The following IGDCC4 variants were observed in gnomAD, a reference collection of about 807,000 sequenced individuals.
IGDCC4 encodes the protein likely ortholog of mouse neighbor of Punc E11.
A neutral mutation model predicts 116.6 loss-of-function variants in IGDCC4; 72 were observed. The observed-to-expected ratio is 0.62, with a 90% confidence interval of 0.51 to 0.75. IGDCC4 has a LOEUF of 0.75. Among genes scored for constraint, IGDCC4 ranks in the 30% least tolerant of loss-of-function variants. The pLI, the probability that IGDCC4 is intolerant of heterozygous loss-of-function variation, is 0.00. For synonymous variants in IGDCC4, 709 were observed against 719.9 expected, an observed-to-expected ratio of 0.98 and a Z score of 0.24; for missense variants, 1,501 against 1,662.4, an observed-to-expected ratio of 0.90 and a Z score of 1.69.
In IGDCC4 at chr15:65,384,291, G is replaced by C; in HGVS notation, c.3471C>G (p.Asp1157Glu). ...GATCAGGAGCCTCTGGAGGCAGGGG[G>C]TCCTCAGGCTCCAGGTCTTGGAGAT... is the stretch of plus-strand genomic sequence containing the variant. ...DLHLQDLEPE[D>E]PLPPEAPDLI... The change falls in exon 20 of 20, where the codon GAC (aspartate) becomes GAG (glutamate). Residue 1157 changes from aspartate (D) to glutamate (E), a missense_variant. Coordinates refer to ENST00000352385, the MANE Select transcript of IGDCC4 (RefSeq NM_020962.3). The surrounding 1 kb of genome is among the most constrained non-coding windows in gnomAD (Gnocchi z 4.9). 1.9e-6 allele frequency: 3 copies of C among 1,608,034 alleles called. No homozygotes were observed. Among genetic ancestry groups the C allele is most frequent in the Non-Finnish European group, 2.5e-6 (3 of 1,176,844 alleles).
chr15:65,406,161 T>C (rs911095152), intron 3 of IGDCC4, among the ~76,000 whole-genome samples: 1 of 152,258 alleles, frequency 6.6e-6, no homozygotes, highest in African/African-American at 2.4e-5. Flanking sequence ...TCCAGATACA[T>C]GGCTTTTTAT....
Position 65,394,397 on chromosome 15 carries a change from C to T in IGDCC4, c.1714+14G>A, listed in dbSNP as rs2062897806. 1 of 1,613,638 alleles carries T rather than the reference C, an allele frequency of 6.2e-7. No individual in the cohort carries two copies. The highest frequency in any genetic ancestry group is 2.2e-5 in the East Asian group (1 of 44,872). ...ATTCCCATACATGCCTGCAGCCCAC[C>T]CACCCCCACTCACCTTCCTTTCCCA... is the stretch of plus-strand genomic sequence containing the variant. On this transcript the variant is annotated intron_variant, in intron 9 of 19. Coordinates refer to ENST00000352385, the MANE Select transcript of IGDCC4 (RefSeq NM_020962.3).
At position 65,386,068 on chromosome 15, in the gene IGDCC4, G is replaced by C; in HGVS notation, c.2952-9C>G. ...GGCCTGGGAGGGATTCCCTGGAAGGGAAGACGGAAAACAAGGCATAGCGGT... is the reference window on the plus strand; with the variant it reads ...GGCCTGGGAGGGATTCCCTGGAAGGCAAGACGGAAAACAAGGCATAGCGGT... On this transcript the variant is annotated splice_polypyrimidine_tract_variant and intron_variant, in intron 17 of 19. Transcript: ENST00000352385. The C allele has an allele frequency of 6.8e-7, 1 of 1,478,994 alleles. No individual in the cohort carries two copies. Among genetic ancestry groups the C allele is most frequent in the South Asian group, 1.4e-5 (1 of 73,320 alleles). 91.6% of individuals were successfully genotyped at this position (1,478,994 alleles called of 1,614,324 possible). A position where few individuals can be genotyped will look rare whatever the true frequency, so the allele number is the denominator to read the frequency against.
In IGDCC4 at chr15:65,406,567, C is replaced by G. The variant is rs78236773; in HGVS notation, c.563+3611G>C. Among the ~76,000 whole-genome samples the G allele has an allele frequency of 8.9e-3, 1,359 of 152,240 alleles. 12 individuals are homozygous for G. The highest frequency in any genetic ancestry group is 0.034 in the Middle Eastern group (10 of 294). On this transcript the variant is annotated intron_variant, in intron 3 of 19. Transcript: ENST00000352385. The stretch of plus-strand genomic sequence containing the variant: ...GTGTTTATTAACTGCACATGTGCCA[C>G]GTTACACCAAGGCATACGGTCTCCT...
Position 65,384,214 on chromosome 15 carries a change from T to A in IGDCC4, c.3548A>T (p.Glu1183Val). 1 of 1,605,030 alleles carries A rather than the reference T, an allele frequency of 6.2e-7. No homozygotes were observed. The highest frequency in any genetic ancestry group is 8.5e-7 in the Non-Finnish European group (1 of 1,173,502). The change falls in exon 20 of 20, where the codon GAG becomes GTG. Residue 1183 changes from glutamate to valine, a missense_variant. By Grantham distance (121) the Glu-to-Val change is moderately radical. Around this residue, in one of 3 missense-constraint regions of IGDCC4, gnomAD observed 368 missense variants for 355.6 expected, o/e 1.03. Coordinates refer to ENST00000352385, the MANE Select transcript of IGDCC4 (RefSeq NM_020962.3). This position sits in a 1 kb window ranked among gnomAD's most constrained non-coding sequence, Gnocchi z 4.9. ...GGCTGCCAGCTCACACCCTCCCAACTCCCTGTCCAGCCAGGCTGCCCCCTG... is the reference window on the plus strand; with the variant it reads ...GGCTGCCAGCTCACACCCTCCCAACACCCTGTCCAGCCAGGCTGCCCCCTG... Reference protein sequence around the residue: ...PGQGAAWLDRELGGCELAAPG... With the variant: ...PGQGAAWLDRVLGGCELAAPG...
Position 65,422,774 on chromosome 15 carries a change from T to C in IGDCC4, c.70+19A>G. The C allele has an allele frequency of 7.5e-7, 1 of 1,326,444 alleles. No homozygotes were observed. 82.2% of individuals were successfully genotyped at this position (1,326,444 alleles called of 1,614,324 possible). ...AGCACTCCGCAGTCGCTCCTGCCTC[T>C]CCGGGCGCCCGCCCTTACCGCGCGC... is the stretch of plus-strand genomic sequence containing the variant. On this transcript the variant is annotated intron_variant, in intron 1 of 19. Transcript: ENST00000352385.
chr15:65,421,656 C>T (rs2140248163), intron 1 of IGDCC4, among the ~76,000 whole-genome samples: 1 of 152,112 alleles, frequency 6.6e-6, no homozygotes, highest in East Asian at 1.9e-4. Flanking sequence ...GCCGCAGCAG[C>T]TGGAGAGAAA....
chr15:65,422,460 C>T (rs1263065018), intron 1 of IGDCC4, among the ~76,000 whole-genome samples: 1 of 151,678 alleles, frequency 6.6e-6, no homozygotes, highest in African/African-American at 2.4e-5. Flanking sequence ...CAGCTACCCG[C>T]CCCGCCGATG....
chr15:65,406,517 C>T (rs955041239), intron 3 of IGDCC4, among the ~76,000 whole-genome samples: 10 of 152,150 alleles, frequency 6.6e-5, no homozygotes, highest in African/African-American at 1.2e-4. Context: ...CAGTTCCAAA[C>T]GAAGCACATA....
chr15:65,403,696 T>A (rs1380239234), intron 3 of IGDCC4, among the ~76,000 whole-genome samples: 1 of 152,168 alleles, frequency 6.6e-6, no homozygotes, highest in Non-Finnish European at 1.5e-5. Flanking sequence ...ATTGGATGGC[T>A]GAGAATGCCC....
chr15:65,411,354 G>A lies in IGDCC4; in HGVS notation c.87C>T (p.Pro29=). 1 of 1,576,394 alleles carries A rather than the reference G, an allele frequency of 6.3e-7. No homozygotes were observed. Among genetic ancestry groups the A allele is most frequent in the Non-Finnish European group, 8.6e-7 (1 of 1,158,488 alleles). ...AGCTCAGCTCCACAGTCGTCTCCTGGGGCAACAGCAGCTCCCCTGCATAGA... is the reference window on the plus strand; with the variant it reads ...AGCTCAGCTCCACAGTCGTCTCCTGAGGCAACAGCAGCTCCCCTGCATAGA... The part of the protein sequence containing the change: ...LLAARGELLL[P]QETTVELSCG... The change falls in exon 2 of 20, where the codon CCC becomes CCT. Residue 29 remains proline (P), a synonymous_variant. Coordinates refer to ENST00000352385, the MANE Select transcript of IGDCC4 (RefSeq NM_020962.3).
At chr15:65,386,125 G>T in intron 17 of IGDCC4, 66 bp from the exon 18 acceptor site, 2 of 1,034,278 alleles carry the variant, frequency 1.9e-6, no homozygotes, top group South Asian at 1.7e-5. Flanking sequence ...GCTGGGATCT[G>T]GTCCAGCCTA....
chr15:65,388,333 C>T (rs1336688293), intron 16 of IGDCC4, 116 bp downstream of exon 16: 2 of 1,404,458 alleles, frequency 1.4e-6, no homozygotes, highest in Non-Finnish European at 2.0e-6. Context: ...TTCACATTTG[C>T]TCTGCCCCCA....
intron 1 of IGDCC4, among the ~76,000 whole-genome samples, chr15:65,421,603 C>A (rs2063191040): frequency 6.6e-6 from 1 of 152,184 alleles, no homozygotes; most frequent in African/African-American, 2.4e-5. Flanking sequence ...GGCTCCTTCC[C>A]CCCGCCTCCC....
chr15:65,421,761 A>T (rs1171891857), intron 1 of IGDCC4, among the ~76,000 whole-genome samples: 1 of 151,572 alleles, frequency 6.6e-6, no homozygotes, highest in East Asian at 2.0e-4. Context: ...AACTAGGCGA[A>T]CAAAGCGGCC....
chr15:65,404,553 A>G (rs1269295197), intron 3 of IGDCC4, among the ~76,000 whole-genome samples: 1 of 152,164 alleles, frequency 6.6e-6, no homozygotes, highest in African/African-American at 2.4e-5. Context: ...GCTGCTGGGA[A>G]CTGCCTACAT....
chr15:65,409,794 T>C (rs909751188), intron 3 of IGDCC4, among the ~76,000 whole-genome samples: 1 of 152,192 alleles, frequency 6.6e-6, no homozygotes, highest in African/African-American at 2.4e-5. Context: ...AGAGAAAACC[T>C]TCCCAGCAGC....
At chr15:65,413,051 TGTGTGTGTGA>T (rs1042656522) in intron 1 of IGDCC4, among the ~76,000 whole-genome samples, 1 of 151,818 alleles carries the variant, frequency 6.6e-6, no homozygotes, top group African/African-American at 2.4e-5. Flanking sequence ...TGTGTGTGTG[TGTGTGTGTGA>T]ATACTATATA....
At chr15:65,418,826 G>C (rs1413156818) in intron 1 of IGDCC4, among the ~76,000 whole-genome samples, 1 of 152,096 alleles carries the variant, frequency 6.6e-6, no homozygotes, top group Non-Finnish European at 1.5e-5. Flanking sequence ...AAGAGGTGGG[G>C]GGGGTTAAGT....
Sources: allele counts gnomAD v4.1 joint callset (sites outside exome capture counted in the v4.1 genomes callset), GRCh38; gene constraint gnomAD v4.1.1; regional missense constraint gnomAD v4.1.1; non-coding constraint Gnocchi (gnomAD v3.1); transcripts MANE v1.5; gene names NCBI Gene and HGNC (gene_info 2026-07-23, HGNC 2026-07-21).